The following RXFP1 variants were observed in gnomAD, a reference collection of about 807,000 sequenced individuals.
The protein encoded by RXFP1 is relaxin family peptide receptor 1, also known as relaxin receptor 1.
RXFP1 carries 73 observed loss-of-function variants against 89.8 expected under a neutral mutation model. That is an observed-to-expected ratio of 0.81 (90% CI 0.67 to 0.99). RXFP1 has a LOEUF of 0.99. Among genes scored for constraint, RXFP1 ranks in the 50% least tolerant of loss-of-function variants. The pLI is 0.00. For missense variants in RXFP1, 793 were observed against 895.5 expected, an observed-to-expected ratio of 0.89 and a Z score of 1.46; for synonymous variants, 277 against 305.5, an observed-to-expected ratio of 0.91 and a Z score of 0.97.
At chr4:158,591,097 A>G (rs966462264) in intron 2 of RXFP1, among the ~76,000 whole-genome samples, 10 of 152,176 alleles carry the variant, frequency 6.6e-5, no homozygotes, top group African/African-American at 2.2e-4. Flanking sequence ...AGTGCGTCCA[A>G]TTGGTAGAAG....
At chr4:158,590,690 C>T (rs1413436473) in intron 2 of RXFP1, among the ~76,000 whole-genome samples, 1 of 152,118 alleles carries the variant, frequency 6.6e-6, no homozygotes, top group Non-Finnish European at 1.5e-5. Context: ...AACATGATTG[C>T]CGTTATCTGT....
At chr4:158,623,996 GA>G (rs1194146670) in intron 9 of RXFP1, among the ~76,000 whole-genome samples, 1 of 151,500 alleles carries the variant, frequency 6.6e-6, no homozygotes, top group African/African-American at 2.4e-5. Context: ...TTCCTGGGGG[GA>G]AAAAACCCCA....
intron 1 of RXFP1, among the ~76,000 whole-genome samples, chr4:158,524,573 A>G (rs1418515397): frequency 6.6e-6 from 1 of 152,210 alleles, no homozygotes; most frequent in African/African-American, 2.4e-5. Context: ...AGAATTTTTC[A>G]TTCTTTAAAA....
chr4:158,592,435 G>A (rs567795707), intron 2 of RXFP1, among the ~76,000 whole-genome samples: 5 of 152,138 alleles, frequency 3.3e-5, no homozygotes, highest in East Asian at 1.9e-4. Flanking sequence ...TTTGCTAGGC[G>A]TGGTGGCGGG....
intron 2 of RXFP1, among the ~76,000 whole-genome samples, chr4:158,574,259 T>C (rs1561044956): frequency 6.6e-6 from 1 of 152,178 alleles, no homozygotes; most frequent in Non-Finnish European, 1.5e-5. Context: ...GTCACATAAA[T>C]AATATATGCT....
intron 1 of RXFP1, among the ~76,000 whole-genome samples, chr4:158,554,454 A>T (rs1057196134): frequency 1.3e-5 from 2 of 152,210 alleles, no homozygotes; most frequent in Non-Finnish European, 2.9e-5. Context: ...AAACACAAGC[A>T]TATATGTCTT....
chr4:158,553,428 T>A (rs1750595458), intron 1 of RXFP1, among the ~76,000 whole-genome samples: 1 of 152,118 alleles, frequency 6.6e-6, no homozygotes, highest in Non-Finnish European at 1.5e-5. Flanking sequence ...TGCTAAAATG[T>A]GTCCTGAGTA....
intron 8 of RXFP1, among the ~76,000 whole-genome samples, chr4:158,614,304 TGAAGCCA>T (rs1389467648): frequency 6.6e-6 from 1 of 152,238 alleles, no homozygotes; most frequent in African/African-American, 2.4e-5. Context: ...TTTGAAGCTT[TGAAGCCA>T]GGTATTGACT....
At chr4:158,588,712 A>G (rs1242926352) in intron 2 of RXFP1, among the ~76,000 whole-genome samples, 2 of 152,240 alleles carry the variant, frequency 1.3e-5, no homozygotes, top group Non-Finnish European at 2.9e-5. Context: ...TCTGCTGCAC[A>G]GGAAAACACC....
At chr4:158,554,998 A>G (rs1750981194) in intron 1 of RXFP1, among the ~76,000 whole-genome samples, 1 of 152,188 alleles carries the variant, frequency 6.6e-6, no homozygotes, top group African/African-American at 2.4e-5. Flanking sequence ...TTGGCAGAAA[A>G]TATTTTAATT....
chr4:158,563,529 C>G (rs1022626350), intron 1 of RXFP1, among the ~76,000 whole-genome samples: 3 of 151,366 alleles, frequency 2.0e-5, no homozygotes, highest in African/African-American at 7.3e-5. Flanking sequence ...CACACACACA[C>G]ACACACACCC....
rs1193596282 is a variant in RXFP1 at position 158,551,065 on chromosome 4, A to AAACTGGTTGAT, written c.50-21633_50-21632insAACTGGTTGAT. Among the ~76,000 whole-genome samples, 515 of 152,326 alleles carry AAACTGGTTGAT rather than the reference A, an allele frequency of 3.4e-3. 1 individual carries two copies. The highest frequency in any genetic ancestry group is 0.012 in the African/African-American group (488 of 41,562). On this transcript the variant is annotated intron_variant, in intron 1 of 17. Transcript: ENST00000307765. ...GTTTTAAAACTGGGTTGTGGACCTA[A>AAACTGGTTGAT]GTGTCCATCAACAGATGATGGATAA...
rs1164245565 is a variant in RXFP1, at chr4:158,646,700, AT to A, written c.1346-85del. 39 of 1,478,714 alleles carry A rather than the reference AT, an allele frequency of 2.6e-5. No homozygotes were observed. In the African/African-American group the frequency reaches 4.8e-4, roughly 18 times the overall value. The allele number at this position is 1,478,714 out of a possible 1,614,324, so 91.6% of individuals were successfully genotyped here. A position where few individuals can be genotyped will look rare whatever the true frequency, so the allele number is the denominator to read the frequency against. On this transcript the variant is annotated intron_variant, in intron 15 of 17. Transcript: ENST00000307765. Reference sequence around the variant, plus strand: ...TTCCTAAGTTGGAAGAAACTTGACTATTTTTTCTAGCATTAAAAATATTATT... The same window carrying A: ...TTCCTAAGTTGGAAGAAACTTGACTATTTTTCTAGCATTAAAAATATTATT...
intron 1 of RXFP1, among the ~76,000 whole-genome samples, chr4:158,540,073 T>C (rs533667738): frequency 6.6e-6 from 1 of 152,166 alleles, no homozygotes; most frequent in African/African-American, 2.4e-5. Context: ...GGGTAGTTAC[T>C]GTTAGCAGAA....
intron 17 of RXFP1, among the ~76,000 whole-genome samples, chr4:158,649,622 A>G (rs1000582801): frequency 1.3e-5 from 2 of 152,174 alleles, no homozygotes; most frequent in African/African-American, 4.8e-5. Context: ...AAAAAATAAA[A>G]ATAAAAAATA....
intron 1 of RXFP1, among the ~76,000 whole-genome samples, chr4:158,563,530 A>G (rs1752919700): frequency 1.3e-5 from 2 of 148,580 alleles, no homozygotes; most frequent in Admixed American, 1.3e-4. Flanking sequence ...ACACACACAC[A>G]CACACACCCC....
intron 1 of RXFP1, among the ~76,000 whole-genome samples, chr4:158,561,371 T>A (rs1465597071): frequency 6.6e-6 from 1 of 152,184 alleles, no homozygotes. Flanking sequence ...ATGTAATTGG[T>A]TGCAGCCAAA....
intron 4 of RXFP1, among the ~76,000 whole-genome samples, chr4:158,599,936 T>A (rs1037725632): frequency 6.6e-6 from 1 of 152,224 alleles, no homozygotes; most frequent in African/African-American, 2.4e-5. Flanking sequence ...GTCATAGATG[T>A]TAATGTTGTT....
intron 1 of RXFP1, among the ~76,000 whole-genome samples, chr4:158,532,889 G>C (rs1744398730): frequency 6.6e-6 from 1 of 152,144 alleles, no homozygotes; most frequent in Non-Finnish European, 1.5e-5. Flanking sequence ...CTTTGAGCTG[G>C]ACATTAGGAT....
Sources: allele counts gnomAD v4.1 joint callset (sites outside exome capture counted in the v4.1 genomes callset), GRCh38; gene constraint gnomAD v4.1.1; transcripts MANE v1.5; gene names NCBI Gene and HGNC (gene_info 2026-07-23, HGNC 2026-07-21).